NXN: variants seen among roughly 807,000 people sequenced by gnomAD.
NXN encodes nucleoredoxin, also known as nucleoredoxin 1.
In NXN, 16 loss-of-function variants were observed where a neutral mutation model predicts 48.6. The ratio of observed to expected loss-of-function variants is 0.33; its 90% CI spans 0.22 to 0.50. The LOEUF is 0.50. Among genes scored for constraint, NXN ranks in the 20% least tolerant of loss-of-function variants. The pLI is 0.98. For synonymous variants in NXN, 281 were observed against 269.6 expected, an observed-to-expected ratio of 1.04 and a Z score of -0.41; for missense variants, 492 against 605.5, an observed-to-expected ratio of 0.81 and a Z score of 1.97.
chr17:892,080 A>G (rs1597700146), intron 1 of NXN, among the ~76,000 whole-genome samples: 1 of 148,484 alleles, frequency 6.7e-6, no homozygotes, highest in Non-Finnish European at 1.5e-5. Context: ...GCACAACCCA[A>G]CAGGGAACCT....
At chr17:915,854 C>T (rs1240852711) in intron 1 of NXN, among the ~76,000 whole-genome samples, 3 of 152,188 alleles carry the variant, frequency 2.0e-5, no homozygotes, top group Non-Finnish European at 2.9e-5. Flanking sequence ...CTAAAATGGG[C>T]GGCCACTTAT....
chr17:807,865 T>C (rs2144581601), intron 5 of NXN, among the ~76,000 whole-genome samples: 2 of 152,344 alleles, frequency 1.3e-5, no homozygotes, highest in East Asian at 3.9e-4. Flanking sequence ...CGGAACTGGC[T>C]TCTGCGGCCG....
At chr17:836,347 G>A (rs192237656) in intron 1 of NXN, among the ~76,000 whole-genome samples, 3 of 152,272 alleles carry the variant, frequency 2.0e-5, no homozygotes, top group Admixed American at 1.3e-4. Context: ...GGATTCATCC[G>A]CAAACTCCTT....
intron 1 of NXN, among the ~76,000 whole-genome samples, chr17:947,006 C>T (rs1304876884): frequency 6.6e-6 from 1 of 152,184 alleles, no homozygotes; most frequent in Admixed American, 6.5e-5. Context: ...GTCGGCCCCA[C>T]GGTGCGTCCT....
intron 5 of NXN, 140 bp downstream of exon 5, chr17:819,299 C>T: frequency 1.4e-6 from 1 of 712,922 alleles, no homozygotes; most frequent in Admixed American, 2.2e-5. Flanking sequence ...GAAAATTCTA[C>T]ACTGCTGAGA....
intron 1 of NXN, among the ~76,000 whole-genome samples, chr17:959,666 C>T (rs1044211886): frequency 5.3e-5 from 8 of 151,054 alleles, no homozygotes; most frequent in Admixed American, 1.3e-4. Flanking sequence ...TGGTGGCAGG[C>T]GCCTGTGATC....
At chr17:823,328 G>T (rs1327391355) in intron 3 of NXN, among the ~76,000 whole-genome samples, 1 of 151,838 alleles carries the variant, frequency 6.6e-6, no homozygotes, top group Non-Finnish European at 1.5e-5. Context: ...GAACCCAGGA[G>T]GCAAAGGTTG....
chr17:811,814 C>CCT (rs1160301138), intron 5 of NXN, among the ~76,000 whole-genome samples: 1 of 152,036 alleles, frequency 6.6e-6, no homozygotes, highest in Non-Finnish European at 1.5e-5. Context: ...CCCCCAGACA[C>CCT]CTCAACGCAC....
chr17:965,650 C>T (rs1457964148), intron 1 of NXN, among the ~76,000 whole-genome samples: 1 of 152,068 alleles, frequency 6.6e-6, no homozygotes, highest in Non-Finnish European at 1.5e-5. Context: ...GCGGCATAAC[C>T]CCCCAACTCT....
chr17:913,044 C>A (rs868705844), intron 1 of NXN, among the ~76,000 whole-genome samples: 4 of 152,188 alleles, frequency 2.6e-5, no homozygotes, highest in South Asian at 2.1e-4. Flanking sequence ...TATCTTTTCT[C>A]ACCCTAGGGT....
intron 1 of NXN, among the ~76,000 whole-genome samples, chr17:846,334 G>A (rs1341832797): frequency 4.7e-5 from 7 of 149,116 alleles, no homozygotes; most frequent in Admixed American, 1.4e-4. Context: ...AGGGAATTGC[G>A]TGAACCCGGG....
intron 1 of NXN, among the ~76,000 whole-genome samples, chr17:899,692 G>A (rs7208314): frequency 0.72 from 109,978 of 151,890 alleles, 40,739 homozygotes; most frequent in Middle Eastern, 0.87. Flanking sequence ...CTGGGAGACA[G>A]TAAAAAAAGC....
chr17:801,696 G>A (rs1325394161), intron 7 of NXN, among the ~76,000 whole-genome samples: 3 of 152,088 alleles, frequency 2.0e-5, no homozygotes, highest in Admixed American at 6.6e-5. Flanking sequence ...CGCCTACCTT[G>A]GCCTCCCAAA....
chr17:902,020 G>A (rs972577695), intron 1 of NXN, among the ~76,000 whole-genome samples: 2 of 152,144 alleles, frequency 1.3e-5, no homozygotes, highest in Non-Finnish European at 2.9e-5. Context: ...GTTTAAACAT[G>A]GTCTCATGCA....
At chr17:806,409 A>C (rs1374909646) in intron 5 of NXN, among the ~76,000 whole-genome samples, 1 of 151,820 alleles carries the variant, frequency 6.6e-6, no homozygotes, top group Non-Finnish European at 1.5e-5. Context: ...GCCTTCAATG[A>C]AAACTCAGAG....
At chr17:801,166 T>G in intron 7 of NXN, 35 bp from the exon 8 acceptor site, 2 of 1,472,830 alleles carry the variant, frequency 1.4e-6, no homozygotes, top group Non-Finnish European at 1.8e-6. Flanking sequence ...AACCAAGAAG[T>G]TTTAAAGAAA....
rs669578 is a variant in NXN, at chr17:799,945, A to G, written c.*1004T>C. 0.55 allele frequency: 82,726 copies of G among 151,656 alleles called. 23,139 individuals are homozygous for G. The highest frequency in any genetic ancestry group is 0.79 in the East Asian group (4,025 of 5,114). 9.4% of individuals were successfully genotyped at this position (151,656 alleles called of 1,614,324 possible). ...AGCCTGGCCAACATGGTGAAACCCC[A>G]TCTCTACTAAAAATACAAAAATTAG... On this transcript the variant is annotated 3_prime_UTR_variant, in exon 8 of 8. Coordinates refer to ENST00000336868, the MANE Select transcript of NXN (RefSeq NM_022463.5).
At chr17:828,677 C>T (rs944908990) in intron 1 of NXN, among the ~76,000 whole-genome samples, 5 of 152,194 alleles carry the variant, frequency 3.3e-5, no homozygotes, top group African/African-American at 1.2e-4. Context: ...GCTGAGATTA[C>T]AGGCGTGGGC....
intron 1 of NXN, among the ~76,000 whole-genome samples, chr17:857,146 G>A (rs564478931): frequency 1.3e-5 from 2 of 152,320 alleles, no homozygotes; most frequent in African/African-American, 2.4e-5. Context: ...GGTGGAAGTC[G>A]AAAGTCAGGG....
Sources: gnomAD v4.1 joint callset for allele counts (sites outside exome capture counted in the v4.1 genomes callset) on GRCh38, gnomAD v4.1.1 for gene constraint, MANE v1.5 for transcripts, NCBI Gene and HGNC (gene_info 2026-07-23, HGNC 2026-07-21) for gene names.